The following CADPS variants were observed in gnomAD, a reference collection of about 807,000 sequenced individuals.
The protein encoded by CADPS is calcium-dependent secretion activator 1.
A neutral mutation model predicts 167.3 loss-of-function variants in CADPS; 57 were observed. That is an observed-to-expected ratio of 0.34 (90% CI 0.28 to 0.42). CADPS has a LOEUF of 0.42. Among genes scored for constraint, CADPS ranks in the 20% least tolerant of loss-of-function variants. The pLI is 1.00. For missense variants in CADPS, 1,414 were observed against 1,738.1 expected, an observed-to-expected ratio of 0.81 and a Z score of 3.32; for synonymous variants, 676 against 635.3, an observed-to-expected ratio of 1.06 and a Z score of -0.96.
chr3:62,459,646 T>C (rs979915398), intron 26 of CADPS, among the ~76,000 whole-genome samples: 2 of 152,214 alleles, frequency 1.3e-5, no homozygotes, highest in African/African-American at 4.8e-5. Context: ...GGTCCATAGT[T>C]ACACTGCACT....
intron 3 of CADPS, among the ~76,000 whole-genome samples, chr3:62,679,615 A>G (rs933711808): frequency 1.3e-5 from 2 of 152,046 alleles, no homozygotes; most frequent in African/African-American, 4.8e-5. Context: ...ATAGTGAAAT[A>G]ACTGGAGAGG....
chr3:62,701,252 G>C (rs1304047505), intron 3 of CADPS, among the ~76,000 whole-genome samples: 2 of 152,148 alleles, frequency 1.3e-5, no homozygotes, highest in South Asian at 2.1e-4. Flanking sequence ...ACAAGAAAAA[G>C]AGGGAAGCAA....
chr3:62,705,128 T>G (rs567254428), intron 3 of CADPS, among the ~76,000 whole-genome samples: 2 of 152,252 alleles, frequency 1.3e-5, no homozygotes, highest in East Asian at 3.9e-4. Context: ...GGAACTGGTT[T>G]CATTTGCTGT....
intron 8 of CADPS, among the ~76,000 whole-genome samples, chr3:62,577,958 C>A (rs1282484130): frequency 6.6e-6 from 1 of 151,978 alleles, no homozygotes; most frequent in African/African-American, 2.4e-5. Flanking sequence ...TCAGATAGGA[C>A]AAACAGAAAA....
intron 1 of CADPS, among the ~76,000 whole-genome samples, chr3:62,872,199 G>T (rs1347228010): frequency 6.6e-6 from 1 of 151,996 alleles, no homozygotes; most frequent in African/African-American, 2.4e-5. Flanking sequence ...CTTTCTCCAA[G>T]ACTAACTTTA....
chr3:62,494,847 G>C (rs1394708685), intron 18 of CADPS, among the ~76,000 whole-genome samples: 2 of 151,686 alleles, frequency 1.3e-5, no homozygotes, highest in Admixed American at 6.6e-5. Flanking sequence ...ATTTTCAGTA[G>C]AGACGGGGTT....
intron 1 of CADPS, among the ~76,000 whole-genome samples, chr3:62,820,069 G>A (rs1342731688): frequency 6.6e-6 from 1 of 151,880 alleles, no homozygotes; most frequent in East Asian, 1.9e-4. Flanking sequence ...CAAATAAATT[G>A]AAATTAAAGA....
chr3:62,617,100 C>T (rs1272418501), intron 6 of CADPS, among the ~76,000 whole-genome samples: 1 of 152,160 alleles, frequency 6.6e-6, no homozygotes, highest in Non-Finnish European at 1.5e-5. Context: ...AGATGTCTAG[C>T]TCCTGGTTTG....
At chr3:62,793,769 G>T (rs188585) in intron 1 of CADPS, among the ~76,000 whole-genome samples, 22,920 of 152,196 alleles carry the variant, frequency 0.15, 3,595 homozygotes, top group African/African-American at 0.4. Context: ...GCACGTGCGT[G>T]TGTGTACGTG....
intron 27 of CADPS, among the ~76,000 whole-genome samples, chr3:62,443,633 G>A (rs2056734018): frequency 6.6e-6 from 1 of 152,020 alleles, no homozygotes; most frequent in African/African-American, 2.4e-5. Context: ...GGTTTTACGG[G>A]GGCTTTTTTC....
chr3:62,490,292 A>G (rs1388263462), intron 21 of CADPS, among the ~76,000 whole-genome samples: 1 of 152,024 alleles, frequency 6.6e-6, no homozygotes, highest in Non-Finnish European at 1.5e-5. Context: ...CATGAACGAA[A>G]TGATTTCCTT....
intron 6 of CADPS, among the ~76,000 whole-genome samples, chr3:62,637,565 G>A (rs1293128928): frequency 6.6e-6 from 1 of 152,202 alleles, no homozygotes; most frequent in Non-Finnish European, 1.5e-5. Context: ...GTGTGCGCCA[G>A]CACGTTCATC....
intron 4 of CADPS, among the ~76,000 whole-genome samples, chr3:62,655,925 T>C (rs147801227): frequency 1.0e-3 from 154 of 151,986 alleles, no homozygotes; most frequent in African/African-American, 3.5e-3. Flanking sequence ...TAGTGACACA[T>C]GAAGCAACAG....
chr3:62,721,296 A>G (rs1002992812), intron 3 of CADPS, among the ~76,000 whole-genome samples: 1 of 151,842 alleles, frequency 6.6e-6, no homozygotes, highest in Admixed American at 6.6e-5. Context: ...AACCGCCAGG[A>G]CCCCTAACTG....
intron 23 of CADPS, among the ~76,000 whole-genome samples, chr3:62,476,547 C>A (rs6794942): frequency 6.6e-6 from 1 of 152,060 alleles, no homozygotes; most frequent in African/African-American, 2.4e-5. Context: ...GGGTAAGGAA[C>A]GCCAAATGAA....
intron 6 of CADPS, among the ~76,000 whole-genome samples, chr3:62,599,308 C>T (rs12489301): frequency 0.076 from 11,423 of 150,880 alleles, 522 homozygotes; most frequent in East Asian, 0.26. Context: ...CTTACATAAA[C>T]GTTAAAAATA....
In CADPS at chr3:62,602,609, T is replaced by A. The variant is rs1294452152; in HGVS notation, c.1326-9861A>T. 2.0e-5 allele frequency among the ~76,000 whole-genome samples: 3 copies of A among 152,156 alleles called. No individual in the cohort carries two copies. Among genetic ancestry groups the A allele is most frequent in the Admixed American group, 2.0e-4 (3 of 15,270 alleles). On this transcript the variant is annotated intron_variant, in intron 6 of 29. Coordinates refer to ENST00000383710, the MANE Select transcript of CADPS (RefSeq NM_003716.4). This position sits in a 1 kb window ranked among gnomAD's most constrained non-coding sequence, Gnocchi z 4.4. ...AGTGTGTCTCATGCAAACTAATTGA[T>A]AGGCTGGGCTTTGGGTTCTTTAGTG...
At chr3:62,499,311 G>T in intron 17 of CADPS, 43 bp from the exon 18 acceptor site, 1 of 1,306,594 alleles carries the variant, frequency 7.7e-7, no homozygotes, top group Non-Finnish European at 1.1e-6. Flanking sequence ...GAAAGTGGCA[G>T]GCTACTTTTA....
chr3:62,591,598 C>T (rs895166417), intron 7 of CADPS, among the ~76,000 whole-genome samples: 1 of 152,062 alleles, frequency 6.6e-6, no homozygotes, highest in Non-Finnish European at 1.5e-5. Context: ...CCAAATTAAA[C>T]GAGTTCAGAT....
Sources: gnomAD v4.1 joint callset for allele counts (sites outside exome capture counted in the v4.1 genomes callset) on GRCh38, gnomAD v4.1.1 for gene constraint, Gnocchi (gnomAD v3.1) non-coding constraint, MANE v1.5 for transcripts, NCBI Gene and HGNC (gene_info 2026-07-23, HGNC 2026-07-21) for gene names.